DCLK1: variants seen among roughly 807,000 people sequenced by gnomAD.
DCLK1 encodes serine/threonine-protein kinase DCLK1.
Under a neutral mutation model 86.2 loss-of-function variants are expected in DCLK1, and 16 were observed. That is an observed-to-expected ratio of 0.19 (90% CI 0.13 to 0.28). The LOEUF is 0.28. DCLK1 is among the 10% of genes least tolerant of loss of function. The pLI, the probability that DCLK1 is intolerant of heterozygous loss-of-function variation, is 1.00. For missense variants in DCLK1, 590 were observed against 940.2 expected (o/e 0.63, Z 4.87); for synonymous variants, 369 against 370.5 (o/e 1.00, Z 0.05).
intron 3 of DCLK1, among the ~76,000 whole-genome samples, chr13:36,035,332 A>C (rs1882446733): frequency 6.6e-6 from 1 of 152,170 alleles, no homozygotes; most frequent in Non-Finnish European, 1.5e-5. Context: ...CCTAAGATTG[A>C]AAACTTAATT....
intron 16 of DCLK1, among the ~76,000 whole-genome samples, chr13:35,783,845 C>G (rs2086573017): frequency 6.6e-6 from 1 of 152,146 alleles, no homozygotes; most frequent in Admixed American, 6.5e-5. Flanking sequence ...CTCGGCCTCC[C>G]AAAGTGTTGG....
At chr13:35,875,757 A>C (rs963815951) in intron 4 of DCLK1, among the ~76,000 whole-genome samples, 2 of 152,182 alleles carry the variant, frequency 1.3e-5, no homozygotes, top group African/African-American at 4.8e-5. Flanking sequence ...AGTCCCTGCC[A>C]TATTAAAAAG....
At chr13:35,782,277 T>A (rs1038161309) in intron 16 of DCLK1, among the ~76,000 whole-genome samples, 3 of 152,232 alleles carry the variant, frequency 2.0e-5, no homozygotes, top group Admixed American at 6.5e-5. Flanking sequence ...ACAGTTAAAA[T>A]TACAGCCAAT....
intron 3 of DCLK1, among the ~76,000 whole-genome samples, chr13:36,017,551 C>T (rs976948686): frequency 1.3e-5 from 2 of 152,144 alleles, no homozygotes; most frequent in African/African-American, 4.8e-5. Context: ...ATGATCCAAA[C>T]ATGACTTCAG....
At chr13:35,794,618 C>T (rs930519120) in intron 15 of DCLK1, among the ~76,000 whole-genome samples, 4 of 152,142 alleles carry the variant, frequency 2.6e-5, no homozygotes, top group East Asian at 1.9e-4. Flanking sequence ...TACTACAGTA[C>T]GTGGGGGAGA....
intron 2 of DCLK1, 55 bp from the exon 3 acceptor site, chr13:36,112,270 T>C (rs1389535032): frequency 3.0e-6 from 4 of 1,342,264 alleles, no homozygotes; most frequent in Non-Finnish European, 4.0e-6. Context: ...CATTTCTTTT[T>C]TCCTACTTAT....
At position 36,126,004 on chromosome 13, in the gene DCLK1, C is replaced by A; in HGVS notation, c.134G>T (p.Arg45Leu). Residue 45 changes from arginine (R) to leucine (L), a missense_variant, in exon 2 of 17, where the codon CGC (arginine) becomes CTC (leucine). Physicochemically the swap from Arg to Leu is moderately radical, Grantham distance 102. This residue lies in a region of DCLK1 where 195 missense variants were observed against 365.1 expected (regional missense o/e 0.53). Transcript: ENST00000360631. ...HSAHCSFYRT[R>L]TLQTLSSEKK... ...CTCGGAGCTGAGCGTCTGCAGCGTG[C>A]GGGTGCGGTAGAAGCTGCAGTGGGC... is the stretch of plus-strand genomic sequence containing the variant. 6.2e-7 allele frequency: 1 copy of A among 1,614,074 alleles called. No homozygotes were observed. Among genetic ancestry groups the A allele is most frequent in the Non-Finnish European group, 8.5e-7 (1 of 1,180,018 alleles).
chr13:36,018,265 T>G (rs546929202), intron 3 of DCLK1, among the ~76,000 whole-genome samples: 1 of 152,298 alleles, frequency 6.6e-6, no homozygotes, highest in East Asian at 1.9e-4. Context: ...CAAATCCAAT[T>G]TTGTACATAA....
intron 4 of DCLK1, among the ~76,000 whole-genome samples, chr13:35,917,491 C>G (rs543121304): frequency 1.3e-5 from 2 of 152,126 alleles, no homozygotes. Context: ...TTCAAGCAAT[C>G]CCGTCCTACC....
chr13:36,087,885 G>T (rs1375597157), intron 3 of DCLK1, among the ~76,000 whole-genome samples: 1 of 152,198 alleles, frequency 6.6e-6, no homozygotes, highest in African/African-American at 2.4e-5. Flanking sequence ...GACGAAGAGG[G>T]CAAGAGGCAC....
At chr13:35,973,714 G>A (rs938846693) in intron 3 of DCLK1, among the ~76,000 whole-genome samples, 1 of 152,212 alleles carries the variant, frequency 6.6e-6, no homozygotes, top group Non-Finnish European at 1.5e-5. Context: ...AAAAGAGAGA[G>A]CTCAGCTGCT....
At chr13:35,972,427 A>G (rs1221009509) in intron 3 of DCLK1, among the ~76,000 whole-genome samples, 1 of 152,070 alleles carries the variant, frequency 6.6e-6, no homozygotes, top group African/African-American at 2.4e-5. Flanking sequence ...AGACATACAA[A>G]CAGAGAAGCT....
chr13:35,832,012 G>C (rs1183505990), intron 8 of DCLK1, among the ~76,000 whole-genome samples: 1 of 152,120 alleles, frequency 6.6e-6, no homozygotes, highest in Non-Finnish European at 1.5e-5. Flanking sequence ...AAAGAAATGG[G>C]CCAGGCATGG....
At chr13:35,860,493 C>A (rs1871319931) in intron 5 of DCLK1, among the ~76,000 whole-genome samples, 1 of 151,932 alleles carries the variant, frequency 6.6e-6, no homozygotes, top group Admixed American at 6.6e-5. Context: ...GACAATGGGT[C>A]CAATTCAAAG....
chr13:35,977,377 C>T (rs566279440), intron 3 of DCLK1, among the ~76,000 whole-genome samples: 1 of 152,260 alleles, frequency 6.6e-6, no homozygotes, highest in Non-Finnish European at 1.5e-5. Flanking sequence ...ACTCCCAGCT[C>T]ACCCCAAATA....
chr13:35,964,523 A>G (rs1409607173), intron 3 of DCLK1, among the ~76,000 whole-genome samples: 1 of 152,230 alleles, frequency 6.6e-6, no homozygotes, highest in East Asian at 1.9e-4. Context: ...TAAATCAGCA[A>G]ACCTAATTAC....
At chr13:35,995,361 T>A (rs1461478800) in intron 3 of DCLK1, among the ~76,000 whole-genome samples, 1 of 152,202 alleles carries the variant, frequency 6.6e-6, no homozygotes, top group South Asian at 2.1e-4. Context: ...GTTTTCAATA[T>A]ACTAGTTAGT....
Position 35,808,236 on chromosome 13 carries a change from G to T in DCLK1, c.1851C>A (p.Ser617=). The change falls in exon 14 of 17, where the codon TCC becomes TCA. Residue 617 remains serine (S), a synonymous_variant. Coordinates refer to ENST00000360631, the MANE Select transcript of DCLK1 (RefSeq NM_001330071.2). The stretch of plus-strand genomic sequence containing the variant: ...ACTGGACACCTACCTTTGCAGAATC[G>T]GAAACATTATCCCAGTATGGAGAAG... ...DFPSPYWDNV[S]DSAKELITMM... is the part of the protein sequence containing the mutation. 1 of 1,613,946 alleles carries T rather than the reference G, an allele frequency of 6.2e-7. No homozygotes were observed. Among genetic ancestry groups the T allele is most frequent in the South Asian group, 1.1e-5 (1 of 91,076 alleles).
At position 35,830,853 on chromosome 13, in the gene DCLK1, AGTGGTTTCT is replaced by A. The variant is rs531824022; in HGVS notation, c.1230-2555_1230-2547del. 1.2e-4 allele frequency among the ~76,000 whole-genome samples: 19 copies of A among 152,312 alleles called. No individual in the cohort carries two copies. The East Asian group carries it at 3.7e-3, about 29-fold the overall frequency. ...CAGGACCGTGCTGGTCAGAAGAGAA[AGTGGTTTCT>A]TAGCTTGGTGATTTCCCCATGTTTG... is the stretch of plus-strand genomic sequence containing the variant. On this transcript the variant is annotated intron_variant, in intron 8 of 16. Transcript: ENST00000360631.
Sources: gnomAD v4.1 joint callset for allele counts (sites outside exome capture counted in the v4.1 genomes callset) on GRCh38, gnomAD v4.1.1 for gene constraint, gnomAD v4.1.1 regional missense constraint, MANE v1.5 for transcripts, NCBI Gene and HGNC (gene_info 2026-07-23, HGNC 2026-07-21) for gene names.